The following SEC14L1 variants were observed in gnomAD, a reference collection of about 807,000 sequenced individuals.
SEC14L1 encodes the protein SEC14-like protein 1.
SEC14L1 carries 48 observed loss-of-function variants against 85.3 expected under a neutral mutation model. That is an observed-to-expected ratio of 0.56 (90% CI 0.45 to 0.72). The LOEUF (loss-of-function observed/expected upper bound fraction) is 0.72. Ranked by LOEUF, SEC14L1 falls within the 30% of genes least tolerant of loss-of-function variation. The pLI is 0.00. For missense variants in SEC14L1, 682 were observed against 921.4 expected, an observed-to-expected ratio of 0.74 and a Z score of 3.36; for synonymous variants, 391 against 355.5, an observed-to-expected ratio of 1.10 and a Z score of -1.12.
chr17:77,188,507 T>TCG (rs1869593533), intron 3 of SEC14L1, among the ~76,000 whole-genome samples: 1 of 151,990 alleles, frequency 6.6e-6, no homozygotes, highest in Non-Finnish European at 1.5e-5. Context: ...TGAGTAGTGT[T>TCG]CCGTGGTGTG....
At chr17:77,168,781 A>G (rs759916135) in intron 3 of SEC14L1, among the ~76,000 whole-genome samples, 4 of 152,158 alleles carry the variant, frequency 2.6e-5, no homozygotes, top group Admixed American at 6.5e-5. Context: ...TTGTTCAGCT[A>G]TCCCTTTAAT....
chr17:77,210,854 T>C (rs1976714816), intron 14 of SEC14L1: 1 of 152,076 alleles, frequency 6.6e-6, no homozygotes, highest in African/African-American at 2.4e-5. Context: ...ATCCACATGG[T>C]AAAAACCTCC....
chr17:77,182,497 T>C (rs546466894), intron 3 of SEC14L1, among the ~76,000 whole-genome samples: 18 of 152,316 alleles, frequency 1.2e-4, no homozygotes, highest in African/African-American at 1.9e-4. Flanking sequence ...ACTGAAACAA[T>C]TGCTGTGTAA....
chr17:77,190,269 G>C lies in SEC14L1; in HGVS notation c.64-534G>C, dbSNP rs949558798. Among the ~76,000 whole-genome samples the C allele has an allele frequency of 2.9e-4, 44 of 152,136 alleles. 1 individual carries two copies. Among genetic ancestry groups the C allele is most frequent in the African/African-American group, 1.0e-3 (43 of 41,416 alleles). Reference sequence around the variant, plus strand: ...GCTTTTACATCTCTGTTGAAAATCAGTCGGTGTTCCCTGACAGGTGCAGAT... The same window carrying C: ...GCTTTTACATCTCTGTTGAAAATCACTCGGTGTTCCCTGACAGGTGCAGAT... On this transcript the variant is annotated intron_variant, in intron 3 of 16. Transcript: ENST00000436233.
chr17:77,135,045 T>C (rs1972748869), intron 3 of SEC14L1, among the ~76,000 whole-genome samples: 1 of 152,202 alleles, frequency 6.6e-6, no homozygotes, highest in Admixed American at 6.5e-5. Flanking sequence ...TGAATTCATG[T>C]CTAGCAAGGA....
At position 77,215,232 on chromosome 17, in the gene SEC14L1, A is replaced by T. The variant is rs550117189; in HGVS notation, c.*1209A>T. On this transcript the variant is annotated 3_prime_UTR_variant, in exon 17 of 17. Transcript: ENST00000436233. ...CATTTTGTTTAATTCCTGATTTTAA[A>T]GCCTGCTCTATCTGGTACAGGCCCT... 3.5e-4 allele frequency: 345 copies of T among 985,448 alleles called. No individual in the cohort carries two copies. The highest frequency in any genetic ancestry group is 3.8e-4 in the Non-Finnish European group (314 of 829,946). 61.0% of individuals were successfully genotyped at this position (985,448 alleles called of 1,614,324 possible). A position where few individuals can be genotyped will look rare whatever the true frequency, so the allele number is the denominator to read the frequency against.
exon 2 of SEC14L1, chr17:77,089,162 G>GA: frequency 2.9e-6 from 1 of 345,064 alleles, no homozygotes; most frequent in Middle Eastern, 4.0e-4. Context: ...GGTTTCAACA[G>GA]AAAATGAGAA....
chr17:77,101,879 A>G (rs1971786928), intron 3 of SEC14L1, among the ~76,000 whole-genome samples: 1 of 152,188 alleles, frequency 6.6e-6, no homozygotes, highest in Non-Finnish European at 1.5e-5. Flanking sequence ...AACGTTCCCA[A>G]CAGTCCCGTT....
chr17:77,194,996 C>T (rs950991120), intron 7 of SEC14L1, 85 bp downstream of exon 7: 23 of 967,092 alleles, frequency 2.4e-5, no homozygotes, highest in African/African-American at 9.7e-5. Flanking sequence ...TGCCTGTTCC[C>T]GCTTCCTTGG....
At chr17:77,150,533 A>G (rs1210150236) in intron 3 of SEC14L1, among the ~76,000 whole-genome samples, 1 of 152,202 alleles carries the variant, frequency 6.6e-6, no homozygotes, top group East Asian at 1.9e-4. Flanking sequence ...CCAATTTCAT[A>G]TACAAAACAG....
At chr17:77,184,306 A>G (rs1252628956) in intron 3 of SEC14L1, among the ~76,000 whole-genome samples, 1 of 152,164 alleles carries the variant, frequency 6.6e-6, no homozygotes, top group African/African-American at 2.4e-5. Context: ...AACCTGCAGG[A>G]TGATAATTTG....
intron 3 of SEC14L1, among the ~76,000 whole-genome samples, chr17:77,120,505 C>A (rs1005631784): frequency 2.0e-5 from 3 of 150,412 alleles, no homozygotes; most frequent in African/African-American, 7.4e-5. Flanking sequence ...TTAATGAAGT[C>A]TTGCTCTGTC....
intron 3 of SEC14L1, among the ~76,000 whole-genome samples, chr17:77,145,965 A>G (rs903979950): frequency 6.6e-6 from 1 of 152,044 alleles, no homozygotes; most frequent in African/African-American, 2.4e-5. Flanking sequence ...CCCCAGTTCA[A>G]CTCTGTGGCA....
At chr17:77,160,217 A>ATG in intron 3 of SEC14L1, among the ~76,000 whole-genome samples, 1 of 152,244 alleles carries the variant, frequency 6.6e-6, no homozygotes, top group East Asian at 1.9e-4. Context: ...GGGCAAACAC[A>ATG]TGGCATCTTT....
chr17:77,215,591 G>C lies in SEC14L1; in HGVS notation c.*1568G>C. On this transcript the variant is annotated 3_prime_UTR_variant, in exon 17 of 17. Transcript: ENST00000436233. ...CCCGGTCGGGTCAGCCCTAGTGGCT[G>C]CCTGCACACTGTAGACGTCCCAGGG... The C allele has an allele frequency of 1.0e-6, 1 of 988,028 alleles. No individual in the cohort carries two copies. The allele number at this position is 988,028 out of a possible 1,614,324, so 61.2% of individuals were successfully genotyped here.
At chr17:77,202,557 T>C (rs1464395919) in intron 9 of SEC14L1, among the ~76,000 whole-genome samples, 4 of 151,556 alleles carry the variant, frequency 2.6e-5, no homozygotes, top group African/African-American at 9.7e-5. Context: ...AGGCGGAGGT[T>C]GCAGTGAGCC....
At chr17:77,198,998 CTTCT>C (rs1409728094) in intron 8 of SEC14L1, 5 of 144,486 alleles carry the variant, frequency 3.5e-5, no homozygotes, top group African/African-American at 1.3e-4. Flanking sequence ...CCCTTGCCGT[CTTCT>C]TTCTTTTTTT....
chr17:77,195,474 A>G (rs2143053277), intron 7 of SEC14L1, among the ~76,000 whole-genome samples: 1 of 152,060 alleles, frequency 6.6e-6, no homozygotes, highest in South Asian at 2.1e-4. Flanking sequence ...ATGTGCCACC[A>G]CGCCTGACTA....
chr17:77,157,873 G>T (rs1189008402), intron 3 of SEC14L1, among the ~76,000 whole-genome samples: 1 of 151,254 alleles, frequency 6.6e-6, no homozygotes, highest in Non-Finnish European at 1.5e-5. Context: ...TTTTCAACAG[G>T]CTGTATAAAT....
Sources: allele counts gnomAD v4.1 joint callset (sites outside exome capture counted in the v4.1 genomes callset), GRCh38; gene constraint gnomAD v4.1.1; transcripts MANE v1.5; gene names NCBI Gene and HGNC (gene_info 2026-07-23, HGNC 2026-07-21).